The following ATP8A2 variants were observed in gnomAD, a reference collection of about 807,000 sequenced individuals.
The protein encoded by ATP8A2 is ATPase phospholipid transporting 8A2.
Under a neutral mutation model 165.6 loss-of-function variants are expected in ATP8A2, and 100 were observed. The ratio of observed to expected loss-of-function variants is 0.60; its 90% confidence interval spans 0.51 to 0.71. The LOEUF is 0.71. Among genes scored for constraint, ATP8A2 ranks in the 30% least tolerant of loss-of-function variants. The pLI is 0.00. For synonymous variants in ATP8A2, 543 were observed against 548.8 expected (o/e 0.99, Z 0.15); for missense variants, 1,227 against 1,479.5 (o/e 0.83, Z 2.80).
At chr13:25,455,854 A>G (rs545432829) in intron 1 of ATP8A2, among the ~76,000 whole-genome samples, 45 of 152,324 alleles carry the variant, frequency 3.0e-4, no homozygotes, top group South Asian at 8.3e-4. Context: ...GTAATTTTGT[A>G]CAAGTTTCCA....
At chr13:25,512,542 G>A in intron 2 of ATP8A2, among the ~76,000 whole-genome samples, 1 of 150,814 alleles carries the variant, frequency 6.6e-6, no homozygotes, top group Non-Finnish European at 1.5e-5. Context: ...GGACGGGGCG[G>A]CTGGCCGGGC....
intron 27 of ATP8A2, among the ~76,000 whole-genome samples, chr13:25,826,440 T>C (rs961454038): frequency 5.3e-5 from 8 of 152,204 alleles, no homozygotes; most frequent in Admixed American, 2.6e-4. Context: ...GGGGACTTGG[T>C]GAGTACCTGT....
intron 24 of ATP8A2, among the ~76,000 whole-genome samples, chr13:25,613,377 C>A (rs1397737020): frequency 6.6e-6 from 1 of 152,106 alleles, no homozygotes. Context: ...AGATCAAGAC[C>A]ATCCTGGCCA....
chr13:25,949,667 C>T (rs1418482815), intron 33 of ATP8A2, among the ~76,000 whole-genome samples: 1 of 152,196 alleles, frequency 6.6e-6, no homozygotes, highest in Non-Finnish European at 1.5e-5. Flanking sequence ...GGCTGGGCAT[C>T]CAGGTGCCTC....
chr13:25,552,575 C>T (rs1197208576), intron 11 of ATP8A2, among the ~76,000 whole-genome samples: 2 of 152,052 alleles, frequency 1.3e-5, no homozygotes, highest in Non-Finnish European at 2.9e-5. Flanking sequence ...ATTTTAATTA[C>T]TGTCTGGTAT....
chr13:25,373,086 A>G (rs1024803371), intron 1 of ATP8A2, among the ~76,000 whole-genome samples: 11 of 152,192 alleles, frequency 7.2e-5, no homozygotes, highest in Admixed American at 5.9e-4. Flanking sequence ...TTATGTGGCT[A>G]TGACACTTGA....
At chr13:25,653,705 A>G (rs1292229987) in intron 24 of ATP8A2, among the ~76,000 whole-genome samples, 1 of 152,206 alleles carries the variant, frequency 6.6e-6, no homozygotes, top group Non-Finnish European at 1.5e-5. Context: ...AAATTGCTTA[A>G]ATGAATGCAT....
intron 2 of ATP8A2, among the ~76,000 whole-genome samples, chr13:25,483,094 C>T (rs1012338113): frequency 3.3e-5 from 5 of 152,180 alleles, no homozygotes; most frequent in African/African-American, 9.7e-5. Context: ...TGTGCACAGC[C>T]ACCTGCTCTG....
chr13:25,836,052 T>C (rs569654092), intron 28 of ATP8A2, among the ~76,000 whole-genome samples: 3 of 152,330 alleles, frequency 2.0e-5, no homozygotes, highest in Admixed American at 1.3e-4. Flanking sequence ...GATTGGTTGT[T>C]TCAAAGTGGC....
chr13:25,852,428 A>C (rs1481956989), intron 30 of ATP8A2, among the ~76,000 whole-genome samples: 1 of 152,112 alleles, frequency 6.6e-6, no homozygotes, highest in African/African-American at 2.4e-5. Flanking sequence ...AAAAGGTCAG[A>C]TCTCCAGGCG....
intron 2 of ATP8A2, among the ~76,000 whole-genome samples, chr13:25,498,272 G>A (rs2036742721): frequency 6.6e-6 from 1 of 152,182 alleles, no homozygotes; most frequent in Admixed American, 6.5e-5. Flanking sequence ...ATATTTGTGT[G>A]CCTGCTTGGA....
intron 1 of ATP8A2, among the ~76,000 whole-genome samples, chr13:25,432,311 C>CT (rs2034638110): frequency 6.6e-6 from 1 of 152,182 alleles, no homozygotes; most frequent in Non-Finnish European, 1.5e-5. Flanking sequence ...TGTGTGTCCA[C>CT]GTGTTTGGGT....
chr13:26,019,800 G>A (rs886884776), intron 36 of ATP8A2, 88 bp from the exon 37 acceptor site: 15 of 899,594 alleles, frequency 1.7e-5, no homozygotes, highest in African/African-American at 6.6e-5. Flanking sequence ...TCACCCGCAC[G>A]CTGCCAAAAA....
chr13:25,853,638 C>T (rs761448013), intron 30 of ATP8A2, among the ~76,000 whole-genome samples: 1 of 152,038 alleles, frequency 6.6e-6, no homozygotes, highest in Non-Finnish European at 1.5e-5. Flanking sequence ...GCCTGCTAAC[C>T]CTTTTGTCTG....
intron 24 of ATP8A2, among the ~76,000 whole-genome samples, chr13:25,692,476 T>A (rs997825747): frequency 2.6e-5 from 4 of 151,942 alleles, no homozygotes; most frequent in African/African-American, 7.3e-5. Flanking sequence ...AACCATTCAT[T>A]TTTGAAGAGA....
chr13:25,943,080 A>G (rs1187976371), intron 33 of ATP8A2, among the ~76,000 whole-genome samples: 4 of 152,132 alleles, frequency 2.6e-5, no homozygotes, highest in Non-Finnish European at 5.9e-5. Flanking sequence ...TGTGTGCTCC[A>G]TTAGAGGAAC....
chr13:25,402,943 G>A (rs947965525), intron 1 of ATP8A2, among the ~76,000 whole-genome samples: 12 of 152,148 alleles, frequency 7.9e-5, no homozygotes, highest in Admixed American at 2.0e-4. Flanking sequence ...TTCAAAGATG[G>A]TGCCTTCTTG....
chr13:25,912,003 A>G (rs777597605), intron 33 of ATP8A2, among the ~76,000 whole-genome samples: 1 of 152,226 alleles, frequency 6.6e-6, no homozygotes, highest in Non-Finnish European at 1.5e-5. Context: ...TGATCCAACA[A>G]TCCCACTTCT....
At chr13:25,863,252 G>A (rs1442430475) in intron 33 of ATP8A2, 5 of 152,488 alleles carry the variant, frequency 3.3e-5, no homozygotes, top group Non-Finnish European at 7.3e-5. Context: ...TCGGCACGGA[G>A]TGAAAAGCTA....
Sources: gnomAD v4.1 joint callset for allele counts (sites outside exome capture counted in the v4.1 genomes callset) on GRCh38, gnomAD v4.1.1 for gene constraint, MANE v1.5 for transcripts, NCBI Gene and HGNC (gene_info 2026-07-23, HGNC 2026-07-21) for gene names.